Variants in PMEL observed in about 807,000 individuals in gnomAD.
PMEL encodes the protein melanocyte protein PMEL.
A neutral mutation model predicts 64.9 loss-of-function variants in PMEL; 53 were observed. The ratio of observed to expected loss-of-function variants is 0.82; its 90% CI spans 0.66 to 1.03. The LOEUF is 1.03. PMEL is among the 50% of genes least tolerant of loss of function. PMEL has a pLI of 0.00. For missense variants in PMEL, 716 were observed against 814.9 expected (o/e 0.88, Z 1.48); for synonymous variants, 299 against 316.2 (o/e 0.95, Z 0.58).
intron 3 of PMEL, among the ~76,000 whole-genome samples, chr12:55,959,956 T>A (rs772052237): frequency 1.3e-5 from 2 of 151,954 alleles, no homozygotes; most frequent in Non-Finnish European, 2.9e-5. Flanking sequence ...GGAAACACAG[T>A]GAGGTGGGCA....
At chr12:55,965,506 G>A (rs761234669) in intron 1 of PMEL, among the ~76,000 whole-genome samples, 1 of 144,732 alleles carries the variant, frequency 6.9e-6, no homozygotes, top group African/African-American at 2.5e-5. Flanking sequence ...CAGAACAAAA[G>A]GTCTGGGCTG....
In PMEL at chr12:55,958,132, A is replaced by C. The variant is rs777101521; in HGVS notation, c.470-48T>G. ...CAAGGAAGAAGAGATTACTGGTCAAAGGGGACTGAGGGACAGGCTTCGAAA... is the reference window on the plus strand; with the variant it reads ...CAAGGAAGAAGAGATTACTGGTCAACGGGGACTGAGGGACAGGCTTCGAAA... On this transcript the variant is annotated intron_variant, in intron 4 of 10. Transcript: ENST00000548747. 6.3e-6 allele frequency: 10 copies of C among 1,589,636 alleles called. No individual in the cohort carries two copies. The East Asian group carries it at 2.2e-4, about 36-fold the overall frequency.
rs540038273 is a variant in PMEL at position 55,956,368 on chromosome 12, T to C, written c.1355-149A>G. 39 of 602,088 alleles carry C rather than the reference T, an allele frequency of 6.5e-5. No homozygotes were observed. In the South Asian group the frequency reaches 8.0e-4, roughly 12 times the overall value. The allele number at this position is 602,088 out of a possible 1,614,324, so 37.3% of individuals were successfully genotyped here. A position where few individuals can be genotyped will look rare whatever the true frequency, so the allele number is the denominator to read the frequency against. On this transcript the variant is annotated intron_variant, in intron 6 of 10. Transcript: ENST00000548747. Reference sequence around the variant, plus strand: ...TCAGATAAGACCTGGGAAACCTTATTCTATAGATAAGGAAACTGAGGCCCA... The same window carrying C: ...TCAGATAAGACCTGGGAAACCTTATCCTATAGATAAGGAAACTGAGGCCCA...
chr12:55,958,350 A>G, intron 4 of PMEL, 123 bp downstream of exon 4: 1 of 1,029,532 alleles, frequency 9.7e-7, no homozygotes, highest in Non-Finnish European at 1.4e-6. Context: ...AAGATCTAAG[A>G]GGAAAATGAA....
At chr12:55,961,285 G>C in intron 3 of PMEL, 32 bp downstream of exon 3, 2 of 1,608,614 alleles carry the variant, frequency 1.2e-6, no homozygotes, top group South Asian at 1.1e-5. Context: ...CTGAGCCCTA[G>C]GAATAAGGAC....
In PMEL at chr12:55,955,684, A is replaced by G. The variant is rs1432725273; in HGVS notation, c.1557-15T>C. ...CCTTGGGCAGCCTGGAAGAAGTGTC[A>G]GCATATATAAGGGGATCTGGGAAGG... On this transcript the variant is annotated splice_polypyrimidine_tract_variant and intron_variant, in intron 8 of 10. Transcript: ENST00000548747. The G allele has an allele frequency of 5.0e-6, 8 of 1,612,124 alleles. No homozygotes were observed. The highest frequency in any genetic ancestry group is 6.8e-6 in the Non-Finnish European group (8 of 1,178,582).
chr12:55,956,104 G>T lies in PMEL; in HGVS notation c.1470C>A (p.Val490=). 6.2e-7 allele frequency: 1 copy of T among 1,605,676 alleles called. No individual in the cohort carries two copies. Among genetic ancestry groups the T allele is most frequent in the Non-Finnish European group, 8.5e-7 (1 of 1,172,346 alleles). Residue 490 remains valine, a splice_region_variant and synonymous_variant, in exon 7 of 11, where the codon GTC becomes GTA. Transcript: ENST00000548747. ...YGSFSVTLDI[V]QGIESAEILQ... ...GCCACCAAAGTAGGCAAGACTCACG[G>T]ACAATGTCCAGGGTGACGGAAAAGG... is the stretch of plus-strand genomic sequence containing the variant.
intron 3 of PMEL, 99 bp downstream of exon 3, chr12:55,961,218 A>T: frequency 8.2e-7 from 1 of 1,214,834 alleles, no homozygotes; most frequent in Non-Finnish European, 1.2e-6. Context: ...AAAGAAAAAA[A>T]AAAAAAAGTA....
At position 55,965,965 on chromosome 12, in the gene PMEL, C is replaced by T. The variant is rs754942827; in HGVS notation, c.47G>A (p.Gly16Asp). Residue 16 changes from glycine (G) to aspartate (D), a missense_variant, in exon 1 of 11, where the codon GGT becomes GAT. Coordinates refer to ENST00000548747, the MANE Select transcript of PMEL (RefSeq NM_001384361.1). Reference protein sequence around the residue: ...KRCLLHLAVIGALLAVGATKV... With the variant: ...KRCLLHLAVIDALLAVGATKV... ...TGTAGCCCCCACAGCCAGCAAAGCA[C>T]CTATCACAGCCAAATGAAGAAGGCA... The T allele has an allele frequency of 1.9e-6, 3 of 1,614,112 alleles. No individual in the cohort carries two copies. In the South Asian group the frequency reaches 3.3e-5, roughly 18 times the overall value.
In PMEL at chr12:55,956,180, C is replaced by G; in HGVS notation, c.1394G>C (p.Arg465Thr). ...GPLLDGTATL[R>T]LVKRQVPLDC... The stretch of plus-strand genomic sequence containing the variant: ...CAGGGGGACTTGTCTCTTCACCAGC[C>G]TTAAGGTGGCTGTACCATCCAGCAG... The change falls in exon 7 of 11, where the codon AGG becomes ACG. Residue 465 changes from arginine to threonine, a missense_variant. Physicochemically the swap from Arg to Thr is moderately conservative, Grantham distance 71. Coordinates refer to ENST00000548747, the MANE Select transcript of PMEL (RefSeq NM_001384361.1). 1 of 1,614,070 alleles carries G rather than the reference C, an allele frequency of 6.2e-7. No homozygotes were observed. The highest frequency in any genetic ancestry group is 8.5e-7 in the Non-Finnish European group (1 of 1,179,954).
chr12:55,964,613 CTCTTTTCTTT>C (rs950710379), intron 1 of PMEL, among the ~76,000 whole-genome samples: 1 of 151,932 alleles, frequency 6.6e-6, no homozygotes, highest in African/African-American at 2.4e-5. Flanking sequence ...GCCTCCTTAT[CTCTTTTCTTT>C]TCTTTTCTTT....
At chr12:55,955,722 C>T in intron 8 of PMEL, 53 bp from the exon 9 acceptor site, 1 of 1,608,908 alleles carries the variant, frequency 6.2e-7, no homozygotes, top group Non-Finnish European at 8.5e-7. Flanking sequence ...CACTAAATGC[C>T]AGAGAGCGGA....
At chr12:55,959,044 T>G (rs890957703) in intron 3 of PMEL, among the ~76,000 whole-genome samples, 2 of 150,564 alleles carry the variant, frequency 1.3e-5, no homozygotes, top group Non-Finnish European at 3.0e-5. Context: ...CCTCCCGAAG[T>G]GCTGGGTTTA....
In PMEL at chr12:55,956,866, T is replaced by C. The variant is rs1888902239; in HGVS notation, c.1354+83A>G. On this transcript the variant is annotated intron_variant, in intron 6 of 10. Transcript: ENST00000548747. Reference sequence around the variant, plus strand: ...CCATAGTGCTAAGCAAAGGATTGGGTAACATCTGAGTCCTGGGTAAGACTT... The same window carrying C: ...CCATAGTGCTAAGCAAAGGATTGGGCAACATCTGAGTCCTGGGTAAGACTT... 4.8e-6 allele frequency: 7 copies of C among 1,446,302 alleles called. No homozygotes were observed. The South Asian group carries it at 9.0e-5, about 19-fold the overall frequency. 89.6% of individuals were successfully genotyped at this position (1,446,302 alleles called of 1,614,324 possible). A position where few individuals can be genotyped will look rare whatever the true frequency, so the allele number is the denominator to read the frequency against.
Position 55,965,925 on chromosome 12 carries a change from T to A in PMEL, c.76+11A>T, listed in dbSNP as rs767806466. ...GTTCACACCTGCTCATGTCCACATATCCACACATACCTTTTGTAGCCCCCA... is the reference window on the plus strand; with the variant it reads ...GTTCACACCTGCTCATGTCCACATAACCACACATACCTTTTGTAGCCCCCA... On this transcript the variant is annotated intron_variant, in intron 1 of 10. Coordinates refer to ENST00000548747, the MANE Select transcript of PMEL (RefSeq NM_001384361.1). 3.7e-6 allele frequency: 6 copies of A among 1,614,186 alleles called. No individual in the cohort carries two copies. The South Asian group carries it at 5.5e-5, about 15-fold the overall frequency.
chr12:55,966,282 G>T, upstream of PMEL: 1 of 539,260 alleles, frequency 1.9e-6, no homozygotes, highest in Non-Finnish European at 3.3e-6. Context: ...AGGCAGCTGC[G>T]TAACACATAC....
rs1361396895 is a variant in PMEL, at chr12:55,958,597, C to T, written c.345G>A (p.Val115=). ...VNNTIINGSQ[V]WGGQPVYPQE... is the part of the protein sequence containing the mutation. Reference sequence around the variant, plus strand: ...GGGGATACACTGGCTGTCCTCCCCACACCTGGCTCCCTGAAAGATAAATAC... The same window carrying T: ...GGGGATACACTGGCTGTCCTCCCCATACCTGGCTCCCTGAAAGATAAATAC... Residue 115 remains valine (V), a synonymous_variant, in exon 4 of 11, where the codon GTG becomes GTA. Transcript: ENST00000548747. 6.2e-7 allele frequency: 1 copy of T among 1,613,698 alleles called. No homozygotes were observed. The highest frequency in any genetic ancestry group is 8.5e-7 in the Non-Finnish European group (1 of 1,179,840).
chr12:55,954,282 G>A lies in PMEL; in HGVS notation c.1918C>T (p.Leu640=), dbSNP rs369624744. The change falls in exon 11 of 11, where the codon CTA becomes TTA. Residue 640 remains leucine (L), a synonymous_variant. Transcript: ENST00000548747. ...LPHSSSHWLR[L]PRIFCSCPIG... Reference sequence around the variant, plus strand: ...GGACAAGAGCAGAAGATGCGGGGTAGACGCAGCCAGTGACTGCTGCTATGT... The same window carrying A: ...GGACAAGAGCAGAAGATGCGGGGTAAACGCAGCCAGTGACTGCTGCTATGT... 28 of 1,613,756 alleles carry A rather than the reference G, an allele frequency of 1.7e-5. No individual in the cohort carries two copies. The highest frequency in any genetic ancestry group is 2.7e-5 in the African/African-American group (2 of 74,924).
At chr12:55,966,289 A>C (rs1889296889), upstream of PMEL, 1 of 516,374 alleles carries the variant, frequency 1.9e-6, no homozygotes, top group Non-Finnish European at 3.5e-6. Context: ...TGCGTAACAC[A>C]TACCAGACAC....
Sources: allele counts gnomAD v4.1 joint callset (sites outside exome capture counted in the v4.1 genomes callset), GRCh38; gene constraint gnomAD v4.1.1; transcripts MANE v1.5; gene names NCBI Gene and HGNC (gene_info 2026-07-23, HGNC 2026-07-21).